DMGDH: variants seen among roughly 807,000 people sequenced by gnomAD.
DMGDH encodes the protein dimethylglycine dehydrogenase, mitochondrial.
In DMGDH, 76 loss-of-function variants were observed where a neutral mutation model predicts 95.2. That is an observed-to-expected ratio of 0.80 (90% CI 0.66 to 0.97). The LOEUF (loss-of-function observed/expected upper bound fraction) is 0.97. Ranked by LOEUF, DMGDH falls within the 50% of genes least tolerant of loss-of-function variation. DMGDH has a pLI of 0.00. For synonymous variants in DMGDH, 345 were observed against 377.6 expected (o/e 0.91, Z 1.00); for missense variants, 987 against 1,055.0 (o/e 0.94, Z 0.89).
At chr5:79,042,147 T>C (rs956266175) in intron 7 of DMGDH, 136 bp downstream of exon 7, 1 of 831,678 alleles carries the variant, frequency 1.2e-6, no homozygotes, top group Admixed American at 2.1e-5. Flanking sequence ...GAGAAAACTC[T>C]CTGGGTCTCT....
Position 79,068,510 on chromosome 5 carries a change from T to C in DMGDH, c.101+1010A>G, listed in dbSNP as rs1425164953. Reference sequence around the variant, plus strand: ...TAACAGATGGCGCAGGAACTGTGAGTTGGTGGCTACTGCATTCCCAGTACT... The same window carrying C: ...TAACAGATGGCGCAGGAACTGTGAGCTGGTGGCTACTGCATTCCCAGTACT... On this transcript the variant is annotated intron_variant, in intron 1 of 15. Transcript: ENST00000255189. Among the ~76,000 whole-genome samples the C allele has an allele frequency of 2.0e-5, 3 of 152,114 alleles. No individual in the cohort carries two copies. The East Asian group carries it at 5.8e-4, about 29-fold the overall frequency.
intron 15 of DMGDH, among the ~76,000 whole-genome samples, chr5:78,998,811 C>A (rs558262169): frequency 6.6e-6 from 1 of 152,158 alleles, no homozygotes; most frequent in East Asian, 1.9e-4. Context: ...GATCTGGCCA[C>A]TGCACTCCAG....
At chr5:79,013,077 T>C (rs1197383017) in intron 14 of DMGDH, among the ~76,000 whole-genome samples, 1 of 152,198 alleles carries the variant, frequency 6.6e-6, no homozygotes, top group Non-Finnish European at 1.5e-5. Flanking sequence ...TTTTCCAAAC[T>C]TTTACACTCT....
intron 2 of DMGDH, among the ~76,000 whole-genome samples, chr5:79,063,381 A>G (rs1755265650): frequency 6.6e-6 from 1 of 152,234 alleles, no homozygotes; most frequent in African/African-American, 2.4e-5. Flanking sequence ...ACACAAGGGT[A>G]GAAAATTGCA....
intron 2 of DMGDH, among the ~76,000 whole-genome samples, chr5:79,056,983 C>T (rs913425235): frequency 2.6e-5 from 4 of 152,208 alleles, no homozygotes; most frequent in African/African-American, 7.2e-5. Context: ...CCAGTCTCCA[C>T]CCTTCTCTTA....
At chr5:79,001,043 T>C (rs1753444432) in intron 15 of DMGDH, 2 of 680,568 alleles carry the variant, frequency 2.9e-6, no homozygotes, top group Admixed American at 2.2e-5. Flanking sequence ...TGACACACCA[T>C]TCCTCGCCAT....
intron 15 of DMGDH, among the ~76,000 whole-genome samples, chr5:79,002,082 C>G (rs1310683933): frequency 6.6e-6 from 1 of 152,174 alleles, no homozygotes; most frequent in Non-Finnish European, 1.5e-5. Context: ...TTATTTTTAG[C>G]CTTTTCTCAT....
At chr5:79,014,221 G>A (rs2445887) in intron 14 of DMGDH, among the ~76,000 whole-genome samples, 69,471 of 151,950 alleles carry the variant, frequency 0.46, 16,332 homozygotes, top group African/African-American at 0.53. Context: ...GCTAATTAGC[G>A]TTCAAATCAA....
At position 78,997,868 on chromosome 5, in the gene DMGDH, T is replaced by A. The variant is rs1753386779; in HGVS notation, c.*214A>T. On this transcript the variant is annotated 3_prime_UTR_variant, in exon 16 of 16. Transcript: ENST00000255189. ...AAATAAAAAAACATTCATTTCAAAT[T>A]TCTTCATTTAAAAGAACAATGTAAA... is the stretch of plus-strand genomic sequence containing the variant. 5.1e-6 allele frequency: 3 copies of A among 587,066 alleles called. No homozygotes were observed. The highest frequency in any genetic ancestry group is 5.9e-6 in the Non-Finnish European group (2 of 336,366). 36.4% of individuals were successfully genotyped at this position (587,066 alleles called of 1,614,324 possible).
intron 1 of DMGDH, among the ~76,000 whole-genome samples, chr5:79,064,612 C>G (rs1561233035): frequency 6.6e-6 from 1 of 151,838 alleles, no homozygotes; most frequent in Admixed American, 6.6e-5. Context: ...ATTTTATAAA[C>G]TTTTAAATTT....
In DMGDH at chr5:79,004,046, A is replaced by G. The variant is rs1181114453; in HGVS notation, c.2385+1227T>C. Among the ~76,000 whole-genome samples, 3 of 152,208 alleles carry G rather than the reference A, an allele frequency of 2.0e-5. No homozygotes were observed. In the East Asian group the frequency reaches 5.8e-4, roughly 29 times the overall value. Reference sequence around the variant, plus strand: ...AAGAGATCAAATTGAAGTGTTCAACATGTCTTAGAAGAAAGGACCAGAAAT... The same window carrying G: ...AAGAGATCAAATTGAAGTGTTCAACGTGTCTTAGAAGAAAGGACCAGAAAT... On this transcript the variant is annotated intron_variant, in intron 15 of 15. Transcript: ENST00000255189.
intron 14 of DMGDH, among the ~76,000 whole-genome samples, chr5:79,015,662 C>A (rs183415147): frequency 6.6e-6 from 1 of 152,310 alleles, no homozygotes; most frequent in Non-Finnish European, 1.5e-5. Flanking sequence ...AGGAAGCTTA[C>A]ATTCTGTTCA....
At position 79,021,014 on chromosome 5, in the gene DMGDH, T is replaced by C. The variant is rs920064052; in HGVS notation, c.2250+3257A>G. Reference sequence around the variant, plus strand: ...CCATCTCCAACTAAACAAAGGCTACTGATTTTCCTCCCAAAAGTTACTTCC... The same window carrying C: ...CCATCTCCAACTAAACAAAGGCTACCGATTTTCCTCCCAAAAGTTACTTCC... On this transcript the variant is annotated intron_variant, in intron 14 of 15. Transcript: ENST00000255189. The C allele has an allele frequency of 3.0e-6, 3 of 985,376 alleles. No homozygotes were observed. In the African/African-American group the frequency reaches 5.2e-5, roughly 17 times the overall value. The allele number at this position is 985,376 out of a possible 1,614,324, so 61.0% of individuals were successfully genotyped here. A position where few individuals can be genotyped will look rare whatever the true frequency, so the allele number is the denominator to read the frequency against.
At chr5:79,028,914 C>T (rs1160170097) in intron 11 of DMGDH, among the ~76,000 whole-genome samples, 1 of 152,154 alleles carries the variant, frequency 6.6e-6, no homozygotes, top group South Asian at 2.1e-4. Flanking sequence ...ATGAGCTCTG[C>T]CACACAATTC....
At chr5:79,033,565 G>GTGACA (rs1193675502) in intron 7 of DMGDH, among the ~76,000 whole-genome samples, 157 bp from the exon 8 acceptor site, 1 of 152,144 alleles carries the variant, frequency 6.6e-6, no homozygotes, top group Non-Finnish European at 1.5e-5. Context: ...TTCCTTAAAA[G>GTGACA]TGACATGTTT....
intron 2 of DMGDH, among the ~76,000 whole-genome samples, chr5:79,061,220 A>C (rs868144438): frequency 7.1e-6 from 1 of 141,664 alleles, no homozygotes; most frequent in African/African-American, 2.7e-5. Flanking sequence ...CTCTGTCTCA[A>C]ACACACACAC....
chr5:79,055,019 G>T (rs1429047161), intron 3 of DMGDH, among the ~76,000 whole-genome samples: 1 of 152,216 alleles, frequency 6.6e-6, no homozygotes, highest in Non-Finnish European at 1.5e-5. Context: ...GTCAAGGAAG[G>T]CTTCTCAAAG....
At chr5:79,019,460 A>G (rs974382849) in intron 14 of DMGDH, among the ~76,000 whole-genome samples, 12 of 70,642 alleles carry the variant, frequency 1.7e-4, no homozygotes, top group African/African-American at 1.0e-3. Flanking sequence ...TCACTGCATT[A>G]AAAAAAAAAA....
chr5:79,044,147 C>T (rs942296659), intron 6 of DMGDH, among the ~76,000 whole-genome samples, 157 bp downstream of exon 6: 4 of 152,204 alleles, frequency 2.6e-5, no homozygotes, highest in Admixed American at 2.0e-4. Context: ...CAAAGGGATA[C>T]GAGAACAGAG....
Sources: allele counts gnomAD v4.1 joint callset (sites outside exome capture counted in the v4.1 genomes callset), GRCh38; gene constraint gnomAD v4.1.1; transcripts MANE v1.5; gene names NCBI Gene and HGNC (gene_info 2026-07-23, HGNC 2026-07-21).